The following FGF14 variants were observed in gnomAD, a reference collection of about 807,000 sequenced individuals.
FGF14 encodes fibroblast growth factor 14.
In FGF14, 5 loss-of-function variants were observed where a neutral mutation model predicts 25.5. That is an observed-to-expected ratio of 0.20 (90% CI 0.10 to 0.41). FGF14 has a LOEUF of 0.41. FGF14 is among the 10% of genes least tolerant of loss of function. The pLI, the probability that FGF14 is intolerant of heterozygous loss-of-function variation, is 1.00. For synonymous variants in FGF14, 138 were observed against 118.3 expected, an observed-to-expected ratio of 1.17 and a Z score of -1.08; for missense variants, 222 against 320.1, an observed-to-expected ratio of 0.69 and a Z score of 2.34.
chr13:101,723,082 G>A (rs930560795), intron 4 of FGF14, 115 bp from the exon 5 acceptor site: 4 of 1,220,418 alleles, frequency 3.3e-6, no homozygotes, highest in South Asian at 2.5e-5. Context: ...TTTCCCTGAA[G>A]TAAAGCAATT....
At chr13:102,131,858 T>C (rs2140414596) in intron 1 of FGF14, among the ~76,000 whole-genome samples, 1 of 152,256 alleles carries the variant, frequency 6.6e-6, no homozygotes, top group Non-Finnish European at 1.5e-5. Context: ...CAGTAAGAAA[T>C]GATCAAATAA....
chr13:101,723,045 A>G, intron 4 of FGF14, 78 bp from the exon 5 acceptor site: 1 of 1,528,614 alleles, frequency 6.5e-7, no homozygotes, highest in South Asian at 1.1e-5. Flanking sequence ...ATACCTGCAT[A>G]GACCACTGCA....
intron 1 of FGF14, among the ~76,000 whole-genome samples, chr13:102,257,021 T>G (rs1375974516): frequency 6.6e-6 from 1 of 152,200 alleles, no homozygotes; most frequent in African/African-American, 2.4e-5. Context: ...TGTATTGAAC[T>G]TGATCTGGTA....
intron 1 of FGF14, chr13:102,002,347 G>A (rs749322906): frequency 6.6e-6 from 1 of 152,456 alleles, no homozygotes; most frequent in Non-Finnish European, 1.5e-5. Flanking sequence ...GTCTGCTGCT[G>A]TTATAAATGA....
intron 1 of FGF14, among the ~76,000 whole-genome samples, chr13:102,233,000 C>G (rs1202316987): frequency 6.6e-6 from 1 of 152,130 alleles, no homozygotes; most frequent in Non-Finnish European, 1.5e-5. Context: ...ATCCGTGCAG[C>G]CCTCCCTTCT....
At chr13:102,259,102 GA>G (rs1264758537) in intron 1 of FGF14, among the ~76,000 whole-genome samples, 1 of 152,162 alleles carries the variant, frequency 6.6e-6, no homozygotes, top group East Asian at 1.9e-4. Flanking sequence ...AGGCTGTCCT[GA>G]AATGCAAATA....
chr13:102,048,269 T>C (rs978819923), intron 1 of FGF14, among the ~76,000 whole-genome samples: 6 of 152,170 alleles, frequency 3.9e-5, no homozygotes, highest in African/African-American at 7.2e-5. Flanking sequence ...ACCAATCTTA[T>C]GTTTTGTCTT....
chr13:102,145,417 T>C (rs1056734977), intron 1 of FGF14, among the ~76,000 whole-genome samples: 16 of 152,148 alleles, frequency 1.1e-4, no homozygotes, highest in African/African-American at 3.6e-4. Flanking sequence ...AGTGGTAAGA[T>C]GGAAAAAACA....
intron 1 of FGF14, among the ~76,000 whole-genome samples, chr13:102,261,668 A>G (rs1184846722): frequency 6.6e-6 from 1 of 152,244 alleles, no homozygotes; most frequent in Non-Finnish European, 1.5e-5. Flanking sequence ...ATAAAAATAC[A>G]TCACACATAA....
chr13:101,778,345 T>C (rs892670198), intron 3 of FGF14, among the ~76,000 whole-genome samples: 1 of 152,168 alleles, frequency 6.6e-6, no homozygotes, highest in African/African-American at 2.4e-5. Flanking sequence ...ACCATGTGAA[T>C]GTTGCAACAC....
At chr13:102,373,858 A>G (rs1297934501) in intron 1 of FGF14, among the ~76,000 whole-genome samples, 7 of 152,108 alleles carry the variant, frequency 4.6e-5, no homozygotes, top group African/African-American at 1.4e-4. Flanking sequence ...CACTGGAATC[A>G]CCTATGGGGT....
chr13:101,963,020 T>C (rs550716917), intron 1 of FGF14, among the ~76,000 whole-genome samples: 2 of 152,276 alleles, frequency 1.3e-5, no homozygotes, highest in African/African-American at 2.4e-5. Flanking sequence ...GATATGATCA[T>C]GCTTCTTCCA....
chr13:102,012,824 G>C (rs1234923654), intron 1 of FGF14, among the ~76,000 whole-genome samples: 1 of 151,928 alleles, frequency 6.6e-6, no homozygotes, highest in African/African-American at 2.4e-5. Flanking sequence ...CCCAGTACTG[G>C]CTCACATATG....
At chr13:102,131,922 C>T (rs962562054) in intron 1 of FGF14, among the ~76,000 whole-genome samples, 2 of 152,170 alleles carry the variant, frequency 1.3e-5, no homozygotes, top group Non-Finnish European at 2.9e-5. Context: ...CCAACTGTGA[C>T]TAAAGATAGG....
Position 102,352,356 on chromosome 13 carries a change from G to A in FGF14, c.208+49115C>T, listed in dbSNP as rs112205671. ...CTATAGGGTTCCATAGAGAATAACAGGATTGGATGACTCCTTGAGGAAAAC... is the reference window on the plus strand; with the variant it reads ...CTATAGGGTTCCATAGAGAATAACAAGATTGGATGACTCCTTGAGGAAAAC... On this transcript the variant is annotated intron_variant, in intron 1 of 4. Transcript: ENST00000376131. Among the ~76,000 whole-genome samples, 1,187 of 151,490 alleles carry A rather than the reference G, an allele frequency of 7.8e-3. 13 individuals are homozygous for A. The highest frequency in any genetic ancestry group is 0.027 in the African/African-American group (1,132 of 41,274).
rs182545909 is a variant in FGF14 at position 101,862,685 on chromosome 13, C to T, written c.408+6040G>A. On this transcript the variant is annotated intron_variant, in intron 3 of 4. Transcript: ENST00000376143. Reference sequence around the variant, plus strand: ...AATATTCAATGTCATGGGAATTACACGAATGCTGGATGTTGAAATTAGCAT... The same window carrying T: ...AATATTCAATGTCATGGGAATTACATGAATGCTGGATGTTGAAATTAGCAT... 6.7e-3 allele frequency among the ~76,000 whole-genome samples: 1,014 copies of T among 152,124 alleles called. 9 individuals carry two copies. The highest frequency in any genetic ancestry group is 0.017 in the South Asian group (80 of 4,812).
At chr13:102,081,561 G>GA (rs1246420074) in intron 1 of FGF14, among the ~76,000 whole-genome samples, 4 of 151,878 alleles carry the variant, frequency 2.6e-5, no homozygotes, top group Non-Finnish European at 5.9e-5. Context: ...TTCACTTAAT[G>GA]AAAAGATTTT....
chr13:101,817,364 C>G (rs772682761), intron 3 of FGF14, among the ~76,000 whole-genome samples: 16 of 151,902 alleles, frequency 1.1e-4, no homozygotes, highest in South Asian at 4.2e-4. Flanking sequence ...TAAAATAAAA[C>G]CCTGGATAAA....
chr13:102,253,428 G>C (rs2052288886), intron 1 of FGF14, among the ~76,000 whole-genome samples: 1 of 152,208 alleles, frequency 6.6e-6, no homozygotes, highest in African/African-American at 2.4e-5. Context: ...CAGTGATGAT[G>C]AGCTTTTTTT....
Sources: allele counts gnomAD v4.1 joint callset (sites outside exome capture counted in the v4.1 genomes callset), GRCh38; gene constraint gnomAD v4.1.1; transcripts MANE v1.5; gene names NCBI Gene and HGNC (gene_info 2026-07-23, HGNC 2026-07-21).